Variants in SSBP4 observed in about 807,000 individuals in gnomAD.
The protein encoded by SSBP4 is single-stranded DNA-binding protein 4.
In SSBP4, 33 loss-of-function variants were observed where a neutral mutation model predicts 64.6. That is an observed-to-expected ratio of 0.51 (90% CI 0.39 to 0.68). The LOEUF (loss-of-function observed/expected upper bound fraction) is 0.68, where lower values mean the gene tolerates loss of function less well. Ranked by LOEUF, SSBP4 falls within the 30% of genes least tolerant of loss-of-function variation. SSBP4 has a pLI of 0.00. For synonymous variants in SSBP4, 243 were observed against 224.0 expected (o/e 1.08, Z -0.76); for missense variants, 583 against 566.8 (o/e 1.03, Z -0.29).
At position 18,434,201 on chromosome 19, in the gene SSBP4, C is replaced by G. The variant is rs1427163427; in HGVS notation, c.1129-16C>G. ...TGAACTCGGCCCCTGCGCGCTGCCC[C>G]CTCCTCTCTCCGCAGTACTCGCCAG... On this transcript the variant is annotated splice_polypyrimidine_tract_variant and intron_variant, in intron 17 of 17. Coordinates refer to ENST00000270061, the MANE Select transcript of SSBP4 (RefSeq NM_032627.5). The G allele has an allele frequency of 6.2e-7, 1 of 1,611,490 alleles. No individual in the cohort carries two copies. Among genetic ancestry groups the G allele is most frequent in the Admixed American group, 1.7e-5 (1 of 59,922 alleles).
chr19:18,407,257 C>T, the SSBP4 span, among the ~76,000 whole-genome samples: 56 of 151,838 alleles, frequency 3.7e-4, no homozygotes, highest in Admixed American at 2.2e-3. Context: ...AGGCTGGTCT[C>T]GAACTCCTGA....
At chr19:18,407,877 G>C in the SSBP4 span, among the ~76,000 whole-genome samples, 8 of 152,042 alleles carry the variant, frequency 5.3e-5, no homozygotes, top group Non-Finnish European at 1.5e-5. Context: ...CAAGTAGCTG[G>C]GATTACAGGT....
chr19:18,411,349 G>C, the SSBP4 span, among the ~76,000 whole-genome samples: 4 of 152,176 alleles, frequency 2.6e-5, no homozygotes, highest in South Asian at 8.3e-4. Flanking sequence ...ACAAAAAGTA[G>C]CCGGGCGTGG....
the SSBP4 span, among the ~76,000 whole-genome samples, chr19:18,404,891 C>CAAAA: frequency 6.7e-4 from 30 of 44,482 alleles, 1 homozygote; most frequent in African/African-American, 1.3e-3. Context: ...GACTCCATCT[C>CAAAA]AAAAAAAAAA....
intron 1 of SSBP4, among the ~76,000 whole-genome samples, chr19:18,421,833 G>T (rs929891175): frequency 1.3e-5 from 2 of 152,308 alleles, no homozygotes; most frequent in South Asian, 2.1e-4. Context: ...AGGCTGGGAG[G>T]CCCTGGGGAT....
chr19:18,402,875 G>C, the SSBP4 span, among the ~76,000 whole-genome samples: 116 of 152,284 alleles, frequency 7.6e-4, 1 homozygote, highest in African/African-American at 2.5e-3. Flanking sequence ...CGTCCCCCCA[G>C]CCCGACACCC....
At chr19:18,417,187 C>T (rs541732069), upstream of SSBP4, among the ~76,000 whole-genome samples, 4 of 152,214 alleles carry the variant, frequency 2.6e-5, no homozygotes, top group South Asian at 4.1e-4. The surrounding 1 kb of genome is among the most constrained non-coding windows in gnomAD (Gnocchi z 5.4). Flanking sequence ...TGAAATTAAC[C>T]GACTGACTCG....
At chr19:18,403,299 A>T in the SSBP4 span, among the ~76,000 whole-genome samples, 4 of 152,002 alleles carry the variant, frequency 2.6e-5, no homozygotes, top group Non-Finnish European at 5.9e-5. Context: ...TACTGAGGGA[A>T]CTCAGAGACT....
chr19:18,432,649 G>GGGGGGGGGTGGGGC, intron 11 of SSBP4, 45 bp downstream of exon 11: 1 of 489,226 alleles, frequency 2.0e-6, no homozygotes, highest in East Asian at 5.0e-5. Context: ...GGGTGGGAGG[G>GGGGGGGGGTGGGGC]ACACTGGGTG....
the SSBP4 span, among the ~76,000 whole-genome samples, chr19:18,404,948 C>A: frequency 6.7e-6 from 1 of 150,006 alleles, no homozygotes; most frequent in African/African-American, 2.5e-5. Flanking sequence ...ACCCAGAGAT[C>A]CTCACAGACC....
upstream of SSBP4, among the ~76,000 whole-genome samples, chr19:18,416,866 C>T (rs1407608380): frequency 1.3e-5 from 2 of 152,230 alleles, no homozygotes; most frequent in African/African-American, 4.8e-5. Flanking sequence ...GCAAGGCGTG[C>T]GCCCTGGTTG....
chr19:18,434,286 C>T lies in SSBP4; in HGVS notation c.*40C>T. 6.2e-7 allele frequency: 1 copy of T among 1,607,852 alleles called. No individual in the cohort carries two copies. The highest frequency in any genetic ancestry group is 8.5e-7 in the Non-Finnish European group (1 of 1,177,798). On this transcript the variant is annotated 3_prime_UTR_variant, in exon 18 of 18. Transcript: ENST00000270061. ...CGGGCCTCTCTGCGGGCCTAGGCTT[C>T]TGCCCAGCGCCCCTGCTCAGGGCGA... is the stretch of plus-strand genomic sequence containing the variant.
intron 17 of SSBP4, 192 bp from the exon 18 acceptor site, chr19:18,434,025 C>G (rs1006024639): frequency 3.6e-5 from 46 of 1,288,062 alleles, no homozygotes; most frequent in Non-Finnish European, 4.4e-5. Flanking sequence ...CGATCCCATC[C>G]GCCCCCACCC....
intron 6 of SSBP4, 36 bp downstream of exon 6, chr19:18,431,454 C>G: frequency 1.7e-6 from 2 of 1,189,964 alleles, no homozygotes; most frequent in Non-Finnish European, 2.4e-6. Context: ...CACACACACA[C>G]ATCCCCTCCC....
intron 1 of SSBP4, among the ~76,000 whole-genome samples, chr19:18,425,650 G>A (rs1337366462): frequency 1.3e-5 from 2 of 152,164 alleles, no homozygotes; most frequent in Non-Finnish European, 2.9e-5. Flanking sequence ...AGACTGGAGG[G>A]GTGGAGGTCA....
In SSBP4 at chr19:18,425,399, T is replaced by G. The variant is rs1050103593; in HGVS notation, c.60-1952T>G. On this transcript the variant is annotated intron_variant, in intron 1 of 17. Transcript: ENST00000270061. ...ACCCCTAAGTGGCTGGGGTGGGAAC[T>G]CTCTTCCACACCTGGCAGGTGGGTT... Among the ~76,000 whole-genome samples the G allele has an allele frequency of 5.9e-5, 9 of 152,198 alleles. No homozygotes were observed. In the South Asian group the frequency reaches 1.9e-3, roughly 32 times the overall value.
the SSBP4 span, among the ~76,000 whole-genome samples, chr19:18,410,922 G>C: frequency 6.3e-4 from 96 of 152,282 alleles, no homozygotes; most frequent in Non-Finnish European, 1.2e-3. Flanking sequence ...AATATTTGTT[G>C]AGCACCTACT....
At chr19:18,407,542 A>G in the SSBP4 span, among the ~76,000 whole-genome samples, 2 of 151,380 alleles carry the variant, frequency 1.3e-5, no homozygotes, top group Non-Finnish European at 2.9e-5. Flanking sequence ...TCAACCTCCC[A>G]AGTAGCTGGG....
chr19:18,407,589 G>A, the SSBP4 span, among the ~76,000 whole-genome samples: 1 of 150,364 alleles, frequency 6.7e-6, no homozygotes, highest in Non-Finnish European at 1.5e-5. Context: ...CCGCCACCAC[G>A]CCCGGTTAAT....
Sources: gnomAD v4.1 joint callset for allele counts (sites outside exome capture counted in the v4.1 genomes callset) on GRCh38, gnomAD v4.1.1 for gene constraint, Gnocchi (gnomAD v3.1) non-coding constraint, MANE v1.5 for transcripts, NCBI Gene and HGNC (gene_info 2026-07-23, HGNC 2026-07-21) for gene names.